ANKS1B: variants seen among roughly 807,000 people sequenced by gnomAD.
ANKS1B encodes ankyrin repeat and sterile alpha motif domain-containing protein 1B.
Under a neutral mutation model 148.3 loss-of-function variants are expected in ANKS1B, and 36 were observed. That is an observed-to-expected ratio of 0.24 (90% confidence interval 0.19 to 0.32). The LOEUF (loss-of-function observed/expected upper bound fraction) is 0.32, where lower values mean the gene tolerates loss of function less well. Ranked by LOEUF, ANKS1B falls within the 10% of genes least tolerant of loss-of-function variation. The pLI is 1.00. For synonymous variants in ANKS1B, 542 were observed against 560.8 expected, an observed-to-expected ratio of 0.97 and a Z score of 0.47; for missense variants, 1,157 against 1,542.6, an observed-to-expected ratio of 0.75 and a Z score of 4.19.
intron 14 of ANKS1B, among the ~76,000 whole-genome samples, chr12:99,210,355 C>A (rs1337278031): frequency 1.3e-5 from 2 of 152,154 alleles, no homozygotes; most frequent in Admixed American, 6.5e-5. Flanking sequence ...TCTTAGCCCT[C>A]TTAATTTTTT....
intron 14 of ANKS1B, among the ~76,000 whole-genome samples, chr12:99,210,580 T>C (rs1360524510): frequency 6.6e-6 from 1 of 152,226 alleles, no homozygotes; most frequent in Non-Finnish European, 1.5e-5. Context: ...TGTTCCCTTT[T>C]ATAGGGTAAA....
chr12:99,397,728 T>A (rs2094291776), intron 12 of ANKS1B, among the ~76,000 whole-genome samples: 1 of 152,130 alleles, frequency 6.6e-6, no homozygotes, highest in Non-Finnish European at 1.5e-5. Flanking sequence ...TGAATTGATA[T>A]ACATAAAATG....
At chr12:99,185,853 T>G (rs539327769) in intron 14 of ANKS1B, among the ~76,000 whole-genome samples, 1 of 152,322 alleles carries the variant, frequency 6.6e-6, no homozygotes, top group South Asian at 2.1e-4. Flanking sequence ...AGGAGTTTTC[T>G]TTCATACCCC....
intron 16 of ANKS1B, among the ~76,000 whole-genome samples, chr12:99,076,788 G>A (rs891598158): frequency 6.6e-6 from 1 of 152,116 alleles, no homozygotes; most frequent in Non-Finnish European, 1.5e-5. Context: ...TAAGTTACGG[G>A]TCAGTAAACT....
At chr12:99,270,447 A>AG (rs1238624158) in intron 12 of ANKS1B, among the ~76,000 whole-genome samples, 1 of 151,920 alleles carries the variant, frequency 6.6e-6, no homozygotes, top group African/African-American at 2.4e-5. Flanking sequence ...TATTTACCTG[A>AG]GGTTACTTAT....
intron 4 of ANKS1B, among the ~76,000 whole-genome samples, chr12:99,782,377 T>C (rs1305303493): frequency 6.6e-6 from 1 of 152,116 alleles, no homozygotes; most frequent in Non-Finnish European, 1.5e-5. Flanking sequence ...CTGGCCAACA[T>C]GGCAAAACCC....
intron 8 of ANKS1B, among the ~76,000 whole-genome samples, chr12:99,663,930 C>G (rs1433075832): frequency 6.6e-6 from 1 of 152,104 alleles, no homozygotes; most frequent in Non-Finnish European, 1.5e-5. Flanking sequence ...CAGGAAACTT[C>G]AAAGAACATA....
At chr12:99,772,221 A>G (rs956365379) in intron 8 of ANKS1B, among the ~76,000 whole-genome samples, 3 of 152,078 alleles carry the variant, frequency 2.0e-5, no homozygotes, top group Non-Finnish European at 4.4e-5. Flanking sequence ...CCTGACCTCA[A>G]TCTATCCTTC....
intron 15 of ANKS1B, among the ~76,000 whole-genome samples, chr12:99,115,905 C>T (rs930436697): frequency 7.0e-6 from 1 of 142,074 alleles, no homozygotes; most frequent in Non-Finnish European, 1.5e-5. Context: ...GCACTCCAGC[C>T]TAGGCAACAA....
At chr12:99,837,708 A>G (rs1356001281) in intron 1 of ANKS1B, among the ~76,000 whole-genome samples, 1 of 152,180 alleles carries the variant, frequency 6.6e-6, no homozygotes, top group Non-Finnish European at 1.5e-5. Context: ...TTCCAGAGCC[A>G]ATGACATTAA....
rs534464085 is a variant in ANKS1B at position 99,000,989 on chromosome 12, G to A, written c.2778+52168C>T. On this transcript the variant is annotated intron_variant, in intron 17 of 26. Transcript: ENST00000683438. ...CCGCTGTGTGTGTGTGTGTGTGCGC[G>A]CGTGCATGTGTGTGTGTATATAATA... Among the ~76,000 whole-genome samples the A allele has an allele frequency of 1.1e-4, 16 of 151,978 alleles. No individual in the cohort carries two copies. The South Asian group carries it at 2.3e-3, about 22-fold the overall frequency.
rs564406173 is a variant in ANKS1B at position 99,540,034 on chromosome 12, A to G, written c.1273-35393T>C. On this transcript the variant is annotated intron_variant, in intron 9 of 26. Coordinates refer to ENST00000683438, the MANE Select transcript of ANKS1B (RefSeq NM_001352186.2). ...GTGACTATACTAATATTGAACAAATAGACTTTGAGACAAAACTTGTCACTA... is the reference window on the plus strand; with the variant it reads ...GTGACTATACTAATATTGAACAAATGGACTTTGAGACAAAACTTGTCACTA... Among the ~76,000 whole-genome samples the G allele has an allele frequency of 3.3e-5, 5 of 152,308 alleles. No homozygotes were observed. The East Asian group carries it at 9.6e-4, about 29-fold the overall frequency.
intron 12 of ANKS1B, among the ~76,000 whole-genome samples, chr12:99,262,120 C>T (rs937802958): frequency 2.6e-5 from 4 of 152,068 alleles, no homozygotes; most frequent in African/African-American, 7.2e-5. Context: ...CTATTCCTAA[C>T]GAAACCTTAC....
chr12:99,606,951 T>G (rs2097855724), intron 9 of ANKS1B, among the ~76,000 whole-genome samples: 1 of 152,096 alleles, frequency 6.6e-6, no homozygotes, highest in Non-Finnish European at 1.5e-5. Flanking sequence ...TCCTGGGTCC[T>G]AAACATCCAC....
chr12:98,779,929 G>C (rs1312525989), intron 24 of ANKS1B, among the ~76,000 whole-genome samples: 1 of 152,202 alleles, frequency 6.6e-6, no homozygotes, highest in Non-Finnish European at 1.5e-5. Flanking sequence ...CTGGGTTTCA[G>C]AACTTTTTCT....
chr12:99,252,531 G>A (rs987623232), intron 12 of ANKS1B, among the ~76,000 whole-genome samples: 1 of 152,144 alleles, frequency 6.6e-6, no homozygotes, highest in East Asian at 1.9e-4. Context: ...CCATGGCCCC[G>A]AAACACAGAG....
intron 17 of ANKS1B, among the ~76,000 whole-genome samples, chr12:98,910,803 T>G (rs2099785720): frequency 1.3e-5 from 2 of 152,212 alleles, no homozygotes; most frequent in Admixed American, 1.3e-4. Context: ...TGGTTCTATA[T>G]TTTTGACTTT....
chr12:99,046,100 A>G (rs1453781662), intron 17 of ANKS1B, among the ~76,000 whole-genome samples: 1 of 152,234 alleles, frequency 6.6e-6, no homozygotes, highest in East Asian at 1.9e-4. Context: ...TGAAATTCAA[A>G]GAGCATTGGT....
At chr12:98,807,342 TC>T (rs2099058340) in intron 20 of ANKS1B, among the ~76,000 whole-genome samples, 1 of 151,648 alleles carries the variant, frequency 6.6e-6, no homozygotes, top group South Asian at 2.1e-4. Context: ...CCAGCTCACC[TC>T]CCCCCACATT....
Sources: allele counts gnomAD v4.1 joint callset (sites outside exome capture counted in the v4.1 genomes callset), GRCh38; gene constraint gnomAD v4.1.1; transcripts MANE v1.5; gene names NCBI Gene and HGNC (gene_info 2026-07-23, HGNC 2026-07-21).